The following CTNNA3 variants were observed in gnomAD, a reference collection of about 807,000 sequenced individuals.
CTNNA3 encodes the protein catenin alpha 3.
Under a neutral mutation model 95.7 loss-of-function variants are expected in CTNNA3, and 76 were observed. That is an observed-to-expected ratio of 0.79 (90% CI 0.66 to 0.96). The LOEUF is 0.96. Among genes scored for constraint, CTNNA3 ranks in the 40% least tolerant of loss-of-function variants. CTNNA3 has a pLI of 0.00. For missense variants in CTNNA3, 1,191 were observed against 1,089.8 expected (o/e 1.09, Z -1.31); for synonymous variants, 431 against 374.4 (o/e 1.15, Z -1.74).
At chr10:67,241,537 C>A (rs976091847) in intron 5 of CTNNA3, among the ~76,000 whole-genome samples, 3 of 152,030 alleles carry the variant, frequency 2.0e-5, no homozygotes, top group Admixed American at 6.6e-5. Flanking sequence ...TTTATCCTTG[C>A]AATTCCTTCC....
At chr10:67,403,928 T>A (rs995749925) in intron 5 of CTNNA3, among the ~76,000 whole-genome samples, 1 of 152,136 alleles carries the variant, frequency 6.6e-6, no homozygotes, top group Non-Finnish European at 1.5e-5. Flanking sequence ...AAAACTGAGG[T>A]GACTAGGGTC....
chr10:67,426,278 T>C (rs960501006), intron 5 of CTNNA3, among the ~76,000 whole-genome samples: 1 of 152,036 alleles, frequency 6.6e-6, no homozygotes, highest in African/African-American at 2.4e-5. Flanking sequence ...CAAACAAATA[T>C]GTCTGGCTGA....
At chr10:66,647,413 T>A (rs188606123) in intron 9 of CTNNA3, among the ~76,000 whole-genome samples, 6 of 152,294 alleles carry the variant, frequency 3.9e-5, no homozygotes, top group African/African-American at 1.4e-4. Flanking sequence ...ATTAATTAAC[T>A]ATATTTGGGG....
intron 5 of CTNNA3, among the ~76,000 whole-genome samples, chr10:67,276,446 C>G (rs1407826025): frequency 2.0e-5 from 3 of 152,114 alleles, no homozygotes; most frequent in African/African-American, 7.2e-5. Flanking sequence ...GGCAAAGATT[C>G]TCAGTGCAGT....
At chr10:67,285,774 G>A (rs1839574602) in intron 5 of CTNNA3, among the ~76,000 whole-genome samples, 1 of 152,030 alleles carries the variant, frequency 6.6e-6, no homozygotes, top group Non-Finnish European at 1.5e-5. Context: ...TTTTTACAAA[G>A]GTTCCTACAG....
chr10:66,085,384 T>C (rs2080942957), intron 14 of CTNNA3, among the ~76,000 whole-genome samples: 1 of 152,086 alleles, frequency 6.6e-6, no homozygotes. Context: ...TAACCAGTTT[T>C]CATTCAATCA....
intron 11 of CTNNA3, among the ~76,000 whole-genome samples, chr10:66,399,340 T>G (rs1451714652): frequency 6.6e-6 from 1 of 151,810 alleles, no homozygotes; most frequent in Non-Finnish European, 1.5e-5. Flanking sequence ...TTCAACATTT[T>G]AAGAAAGAAA....
intron 7 of CTNNA3, among the ~76,000 whole-genome samples, chr10:66,819,001 ACT>A (rs1842200130): frequency 6.7e-6 from 1 of 150,324 alleles, no homozygotes; most frequent in Non-Finnish European, 1.5e-5. Flanking sequence ...GAGGCATGAG[ACT>A]CTCTTGAGCC....
intron 13 of CTNNA3, among the ~76,000 whole-genome samples, chr10:66,111,435 A>G (rs2082116309): frequency 1.3e-5 from 2 of 152,216 alleles, no homozygotes; most frequent in Admixed American, 6.5e-5. Context: ...TCATTAGGTG[A>G]TAGGAATTTT....
intron 5 of CTNNA3, among the ~76,000 whole-genome samples, chr10:67,465,240 A>T (rs949575217): frequency 2.0e-5 from 3 of 152,118 alleles, no homozygotes; most frequent in Non-Finnish European, 4.4e-5. Flanking sequence ...TTATTTTTTT[A>T]AAGTAATTCT....
intron 11 of CTNNA3, among the ~76,000 whole-genome samples, chr10:66,465,746 G>A (rs1257575793): frequency 2.0e-5 from 3 of 152,074 alleles, no homozygotes; most frequent in Admixed American, 6.6e-5. Context: ...GAACATCACT[G>A]GGCATTAGTG....
intron 10 of CTNNA3, among the ~76,000 whole-genome samples, chr10:66,547,047 T>C (rs1408890281): frequency 2.0e-5 from 3 of 152,142 alleles, no homozygotes; most frequent in Non-Finnish European, 4.4e-5. Flanking sequence ...GAGAATATAC[T>C]TGATTTCTTC....
intron 12 of CTNNA3, among the ~76,000 whole-genome samples, chr10:66,369,253 G>A (rs2132456896): frequency 6.6e-6 from 1 of 152,228 alleles, no homozygotes; most frequent in East Asian, 1.9e-4. Flanking sequence ...TTTGTGAAGT[G>A]AAAATATATT....
intron 2 of CTNNA3, among the ~76,000 whole-genome samples, chr10:67,613,904 T>A (rs138849402): frequency 2.0e-5 from 3 of 152,154 alleles, no homozygotes; most frequent in Admixed American, 1.3e-4. Flanking sequence ...TTCCTTCTGG[T>A]GGGTTCGTGG....
At chr10:67,396,657 A>G (rs548305849) in intron 5 of CTNNA3, among the ~76,000 whole-genome samples, 1 of 152,358 alleles carries the variant, frequency 6.6e-6, no homozygotes, top group East Asian at 1.9e-4. Context: ...ATGTTGTTAA[A>G]ACAATCATAA....
At chr10:67,438,650 T>C (rs549285778) in intron 5 of CTNNA3, among the ~76,000 whole-genome samples, 32 of 152,258 alleles carry the variant, frequency 2.1e-4, no homozygotes, top group Non-Finnish European at 3.8e-4. Flanking sequence ...GAAGAGGGTA[T>C]GAAAGACAGC....
chr10:66,198,506 A>G (rs1233355349), intron 13 of CTNNA3, among the ~76,000 whole-genome samples: 1 of 152,186 alleles, frequency 6.6e-6, no homozygotes, highest in Non-Finnish European at 1.5e-5. Context: ...CAGCAGAAAT[A>G]TTAAATAAAA....
At chr10:67,337,880 C>T (rs1255306453) in intron 5 of CTNNA3, among the ~76,000 whole-genome samples, 2 of 152,108 alleles carry the variant, frequency 1.3e-5, no homozygotes, top group Non-Finnish European at 2.9e-5. Flanking sequence ...ACTTAATGGG[C>T]TACAGTATAG....
In CTNNA3 at chr10:67,408,182, T is replaced by C. The variant is rs149794533; in HGVS notation, c.579+113660A>G. Among the ~76,000 whole-genome samples, 236 of 152,324 alleles carry C rather than the reference T, an allele frequency of 1.5e-3. 3 individuals are homozygous for C. Among genetic ancestry groups the C allele is most frequent in the African/African-American group, 5.5e-3 (228 of 41,570 alleles). On this transcript the variant is annotated intron_variant, in intron 5 of 17. Transcript: ENST00000433211. ...CATACTGTCCAAAGTAATTTATAGA[T>C]TCAATGCTATTCCCATCAAGCTACC...
Sources: allele counts gnomAD v4.1 joint callset (sites outside exome capture counted in the v4.1 genomes callset), GRCh38; gene constraint gnomAD v4.1.1; transcripts MANE v1.5; gene names NCBI Gene and HGNC (gene_info 2026-07-23, HGNC 2026-07-21).